The following PP2D1 variants were observed in gnomAD, a reference collection of about 807,000 sequenced individuals.
PP2D1 encodes protein phosphatase 2C-like domain-containing protein 1.
Under a neutral mutation model 30.2 loss-of-function variants are expected in PP2D1, and 25 were observed. The ratio of observed to expected loss-of-function variants is 0.83; its 90% CI spans 0.60 to 1.16. PP2D1 has a LOEUF of 1.16. Ranked by LOEUF, PP2D1 falls within the 50% of genes most tolerant of loss-of-function variation. PP2D1 has a pLI of 0.00. For missense variants in PP2D1, 760 were observed against 742.4 expected (o/e 1.02, Z -0.28); for synonymous variants, 260 against 258.9 (o/e 1.00, Z -0.04).
At chr3:19,998,057 C>T (rs576485762) in intron 2 of PP2D1, among the ~76,000 whole-genome samples, 7 of 152,072 alleles carry the variant, frequency 4.6e-5, no homozygotes, top group South Asian at 4.2e-4. Context: ...AGGCTGGGCA[C>T]GGTGGCTCAC....
At chr3:19,999,008 T>C (rs78459159) in intron 2 of PP2D1, among the ~76,000 whole-genome samples, 1,809 of 152,206 alleles carry the variant, frequency 0.012, 32 homozygotes, top group African/African-American at 0.039. Flanking sequence ...TTAACACCAT[T>C]GTATAGGCCT....
chr3:19,982,879 A>G (rs1696957684), downstream of PP2D1, among the ~76,000 whole-genome samples: 1 of 152,208 alleles, frequency 6.6e-6, no homozygotes, highest in Non-Finnish European at 1.5e-5. Flanking sequence ...TTAGTTGCAC[A>G]GTAGAGGACA....
At chr3:20,002,298 G>A (rs1033242453) in intron 1 of PP2D1, among the ~76,000 whole-genome samples, 1 of 152,044 alleles carries the variant, frequency 6.6e-6, no homozygotes, top group Non-Finnish European at 1.5e-5. Flanking sequence ...AAATAAATTA[G>A]GCAAAAATTC....
chr3:19,980,867 A>G (rs1696912456), downstream of PP2D1, among the ~76,000 whole-genome samples: 2 of 152,184 alleles, frequency 1.3e-5, no homozygotes, highest in African/African-American at 4.8e-5. Context: ...TCCCAAATCC[A>G]TTGCCCAACC....
chr3:19,981,652 G>C (rs1160566634), downstream of PP2D1, among the ~76,000 whole-genome samples: 2 of 151,832 alleles, frequency 1.3e-5, no homozygotes, highest in African/African-American at 4.8e-5. Context: ...ATACAACTTA[G>C]GATGGATATA....
chr3:20,002,978 C>G (rs571425929), intron 1 of PP2D1, among the ~76,000 whole-genome samples: 1 of 152,008 alleles, frequency 6.6e-6, no homozygotes, highest in Non-Finnish European at 1.5e-5. Flanking sequence ...TTGCTTGAAC[C>G]TGGGAGACGG....
chr3:20,001,622 C>T lies in PP2D1; in HGVS notation c.498G>A (p.Leu166=). 1 of 1,536,310 alleles carries T rather than the reference C, an allele frequency of 6.5e-7. No homozygotes were observed. Among genetic ancestry groups the T allele is most frequent in the Non-Finnish European group, 8.7e-7 (1 of 1,146,880 alleles). Reference sequence around the variant, plus strand: ...CACAAATGCCCACTCCTTTAATTAACAGATGACATATTTTTTGAGAATATA... The same window carrying T: ...CACAAATGCCCACTCCTTTAATTAATAGATGACATATTTTTTGAGAATATA... ...SVIYSQKICH[L]LIKGVGICED... is the part of the protein sequence containing the mutation. The change falls in exon 2 of 3, where the codon CTG becomes CTA. Residue 166 remains leucine, a synonymous_variant. Transcript: ENST00000389050.
At chr3:19,985,305 G>T, downstream of PP2D1, 2 of 1,028,022 alleles carry the variant, frequency 1.9e-6, no homozygotes, top group South Asian at 1.7e-5. Flanking sequence ...TGGTATTGAT[G>T]AATCATCCTA....
At chr3:20,010,094 T>G (rs1383467132) in intron 1 of PP2D1, among the ~76,000 whole-genome samples, 1 of 152,026 alleles carries the variant, frequency 6.6e-6, no homozygotes, top group African/African-American at 2.4e-5. Flanking sequence ...TCCACCTTAT[T>G]TTATGTTATT....
intron 2 of PP2D1, among the ~76,000 whole-genome samples, chr3:19,991,398 G>A (rs570267853): frequency 1.2e-4 from 19 of 152,236 alleles, no homozygotes; most frequent in Admixed American, 5.2e-4. Context: ...AAGCCAGAAA[G>A]GTGACTTAGT....
chr3:19,999,894 A>G (rs62241326), intron 2 of PP2D1, among the ~76,000 whole-genome samples: 23,847 of 152,224 alleles, frequency 0.16, 2,455 homozygotes, highest in Non-Finnish European at 0.23. Flanking sequence ...GAGAAACGAC[A>G]AAGACTGTGA....
chr3:19,997,665 G>A (rs150707219), intron 2 of PP2D1, among the ~76,000 whole-genome samples: 12 of 152,232 alleles, frequency 7.9e-5, no homozygotes, highest in South Asian at 4.1e-4. Flanking sequence ...AGTACACAAC[G>A]GAATACTATG....
At chr3:20,005,854 G>A (rs1460386132) in intron 1 of PP2D1, among the ~76,000 whole-genome samples, 5 of 152,044 alleles carry the variant, frequency 3.3e-5, no homozygotes, top group East Asian at 1.9e-4. Context: ...TGGAGGTTGC[G>A]GTGAGCTGAG....
intron 2 of PP2D1, among the ~76,000 whole-genome samples, chr3:19,987,587 A>C (rs1697056601): frequency 6.6e-6 from 1 of 152,120 alleles, no homozygotes; most frequent in South Asian, 2.1e-4. Context: ...TTCTAGGCCC[A>C]CAGTTTTTTA....
rs531908350 is a variant in PP2D1 at position 20,001,168 on chromosome 3, T to G, written c.952A>C (p.Ile318Leu). Residue 318 changes from isoleucine to leucine, a missense_variant, in exon 2 of 3, where the codon ATA becomes CTA. Ile to Leu is a conservative substitution (Grantham distance 5). Around this residue, in one of 3 missense-constraint regions of PP2D1, gnomAD observed 374 missense variants for 388.8 expected, o/e 0.96. Transcript: ENST00000389050. ...GGACTTTTAGGTTTGCCTTCCAATA[T>G]ACAAGTAACTGCAGAGCAGCCACTC... Reference protein sequence around the residue: ...QWSGCSAVTCILEGKPKSPYA... With the variant: ...QWSGCSAVTCLLEGKPKSPYA... 5.4e-5 allele frequency: 81 copies of G among 1,491,300 alleles called. 1 individual carries two copies. In the South Asian group the frequency reaches 8.7e-4, roughly 16 times the overall value. The allele number at this position is 1,491,300 out of a possible 1,614,324, so 92.4% of individuals were successfully genotyped here.
chr3:19,985,682 T>C lies in PP2D1; in HGVS notation c.1591A>G (p.Lys531Glu), dbSNP rs1697020021. Residue 531 changes from lysine (K) to glutamate (E), a missense_variant, in exon 3 of 3, where the codon AAA becomes GAA. Physicochemically the swap from Lys to Glu is moderately conservative, Grantham distance 56. Coordinates refer to ENST00000389050, the MANE Select transcript of PP2D1 (RefSeq NM_001252657.2). Reference sequence around the variant, plus strand: ...TAGTTTGAATCGGATAAATTTTCTTTGGAATTTGTAGTTGACACACGTACT... The same window carrying C: ...TAGTTTGAATCGGATAAATTTTCTTCGGAATTTGTAGTTGACACACGTACT... Reference protein sequence around the residue: ...SEVRVSTTNSKENLSDSNYSK... With the variant: ...SEVRVSTTNSEENLSDSNYSK... The C allele has an allele frequency of 1.3e-6, 2 of 1,535,946 alleles. No individual in the cohort carries two copies. The highest frequency in any genetic ancestry group is 1.7e-6 in the Non-Finnish European group (2 of 1,146,738).
In PP2D1 at chr3:20,011,451, G is replaced by A. The variant is rs115502592; in HGVS notation, c.23+599C>T. On this transcript the variant is annotated intron_variant, in intron 1 of 2. Transcript: ENST00000389050. ...CAGCCATAATACAGCTCTATCACAC[G>A]TGGGCCATTCTTAGAATGTATTGCA... 2.7e-3 allele frequency among the ~76,000 whole-genome samples: 408 copies of A among 152,054 alleles called. 3 individuals carry two copies. Among genetic ancestry groups the A allele is most frequent in the African/African-American group, 9.4e-3 (390 of 41,468 alleles).
chr3:20,002,206 C>G (rs752534271), intron 1 of PP2D1, 110 bp from the exon 2 acceptor site: 79 of 661,474 alleles, frequency 1.2e-4, no homozygotes, highest in Admixed American at 3.2e-4. Flanking sequence ...CTTATATAAG[C>G]CTAGGATTAA....
At chr3:19,986,292 C>G (rs1697033798) in intron 2 of PP2D1, 110 bp from the exon 3 acceptor site, 1 of 755,958 alleles carries the variant, frequency 1.3e-6, no homozygotes, top group South Asian at 2.2e-5. Flanking sequence ...AAACAGAAAG[C>G]AGGCTATGTA....
Sources: allele counts gnomAD v4.1 joint callset (sites outside exome capture counted in the v4.1 genomes callset), GRCh38; gene constraint gnomAD v4.1.1; regional missense constraint gnomAD v4.1.1; transcripts MANE v1.5; gene names NCBI Gene and HGNC (gene_info 2026-07-23, HGNC 2026-07-21).